Variants in MAT1A observed in about 807,000 individuals in gnomAD.
The protein encoded by MAT1A is S-adenosylmethionine synthase isoform type-1.
A neutral mutation model predicts 44.0 loss-of-function variants in MAT1A; 19 were observed. That is an observed-to-expected ratio of 0.43 (90% confidence interval 0.30 to 0.63). MAT1A has a LOEUF of 0.63. MAT1A is among the 30% of genes least tolerant of loss of function. MAT1A has a pLI of 0.12. For synonymous variants in MAT1A, 205 were observed against 205.6 expected, an observed-to-expected ratio of 1.00 and a Z score of 0.03; for missense variants, 397 against 531.0, an observed-to-expected ratio of 0.75 and a Z score of 2.48.
intron 8 of MAT1A, 140 bp downstream of exon 8, chr10:80,274,380 T>C (rs758616968): frequency 3.7e-5 from 45 of 1,228,474 alleles, no homozygotes; most frequent in Non-Finnish European, 5.3e-5. Context: ...GGGGATGCAC[T>C]GTGCTGTACC....
At chr10:80,288,687 A>G (rs1268547908) in intron 1 of MAT1A, among the ~76,000 whole-genome samples, 1 of 152,228 alleles carries the variant, frequency 6.6e-6, no homozygotes, top group African/African-American at 2.4e-5. Flanking sequence ...TAAGTTGCAC[A>G]TGCTTCACAT....
At chr10:80,287,391 T>C (rs1257623749) in intron 1 of MAT1A, among the ~76,000 whole-genome samples, 2 of 152,226 alleles carry the variant, frequency 1.3e-5, no homozygotes, top group African/African-American at 4.8e-5. Flanking sequence ...AAAACCTTTA[T>C]CTTTCTAGCA....
rs900354762 is a variant in MAT1A at position 80,273,302 on chromosome 10, T to C, written c.*479A>G. 8.1e-6 allele frequency: 2 copies of C among 247,920 alleles called. No homozygotes were observed. Among genetic ancestry groups the C allele is most frequent in the Non-Finnish European group, 1.6e-5 (2 of 125,626 alleles). 15.4% of individuals were successfully genotyped at this position (247,920 alleles called of 1,614,324 possible). A position where few individuals can be genotyped will look rare whatever the true frequency, so the allele number is the denominator to read the frequency against. On this transcript the variant is annotated 3_prime_UTR_variant, in exon 9 of 9. Transcript: ENST00000372213. ...CAGTCCTGCTCTAACCCCTGCCACA[T>C]GCCTGGCCTGGGTGGGGCTTTCTGG... is the stretch of plus-strand genomic sequence containing the variant.
At position 80,272,713 on chromosome 10, in the gene MAT1A, C is replaced by T. The variant is rs1368430040; in HGVS notation, c.*1068G>A. 1 of 152,272 alleles carries T rather than the reference C, an allele frequency of 6.6e-6. No individual in the cohort carries two copies. The highest frequency in any genetic ancestry group is 1.5e-5 in the Non-Finnish European group (1 of 68,170). The allele number at this position is 152,272 out of a possible 1,614,324, so 9.4% of individuals were successfully genotyped here. A position where few individuals can be genotyped will look rare whatever the true frequency, so the allele number is the denominator to read the frequency against. On this transcript the variant is annotated 3_prime_UTR_variant, in exon 9 of 9. Transcript: ENST00000372213. Reference sequence around the variant, plus strand: ...AGATAGGACTGGACTGGACTTAGACCACTTACCCCAGAAGTCCAAAAACCC... The same window carrying T: ...AGATAGGACTGGACTGGACTTAGACTACTTACCCCAGAAGTCCAAAAACCC...
At position 80,273,508 on chromosome 10, in the gene MAT1A, G is replaced by A. The variant is rs1353737175; in HGVS notation, c.*273C>T. The A allele has an allele frequency of 1.0e-4, 47 of 455,552 alleles. No individual in the cohort carries two copies. Among genetic ancestry groups the A allele is most frequent in the Non-Finnish European group, 1.6e-5 (4 of 245,600 alleles). The allele number at this position is 455,552 out of a possible 1,614,324, so 28.2% of individuals were successfully genotyped here. A position where few individuals can be genotyped will look rare whatever the true frequency, so the allele number is the denominator to read the frequency against. Reference sequence around the variant, plus strand: ...GAGTGAGGGAATTCACTCTTGACGGGGGTGCCTTTTCCACTAAATTAACAT... The same window carrying A: ...GAGTGAGGGAATTCACTCTTGACGGAGGTGCCTTTTCCACTAAATTAACAT... On this transcript the variant is annotated 3_prime_UTR_variant, in exon 9 of 9. Coordinates refer to ENST00000372213, the MANE Select transcript of MAT1A (RefSeq NM_000429.3).
intron 1 of MAT1A, among the ~76,000 whole-genome samples, chr10:80,286,292 T>C (rs536060789): frequency 6.6e-6 from 1 of 152,320 alleles, no homozygotes; most frequent in South Asian, 2.1e-4. Flanking sequence ...CAATTTTACC[T>C]CTTTGCCAAG....
At chr10:80,284,452 G>C (rs759011565) in intron 2 of MAT1A, among the ~76,000 whole-genome samples, 21 of 152,176 alleles carry the variant, frequency 1.4e-4, no homozygotes, top group Non-Finnish European at 2.6e-4. Context: ...TAGGGAGTGG[G>C]ATCTGGACCA....
intron 3 of MAT1A, among the ~76,000 whole-genome samples, chr10:80,282,546 C>CT (rs915983036): frequency 2.3e-4 from 35 of 151,672 alleles, no homozygotes; most frequent in Middle Eastern, 3.4e-3. Flanking sequence ...AACAAATTGG[C>CT]TTTTTTTTTG....
intron 1 of MAT1A, among the ~76,000 whole-genome samples, chr10:80,285,980 C>T (rs1215639663): frequency 1.3e-5 from 2 of 151,978 alleles, no homozygotes; most frequent in Non-Finnish European, 2.9e-5. Context: ...CTTGTGCTAC[C>T]ACGCCTGGCT....
chr10:80,279,155 A>G (rs991075972), intron 5 of MAT1A, among the ~76,000 whole-genome samples: 12 of 152,164 alleles, frequency 7.9e-5, no homozygotes, highest in Admixed American at 4.6e-4. Context: ...AATGAGGCCT[A>G]AAGGGGATTA....
At position 80,276,502 on chromosome 10, in the gene MAT1A, C is replaced by A. The variant is rs539772339; in HGVS notation, c.642G>T (p.Thr214=). The A allele has an allele frequency of 1.2e-6, 2 of 1,614,138 alleles. No individual in the cohort carries two copies. The highest frequency in any genetic ancestry group is 1.7e-6 in the Non-Finnish European group (2 of 1,180,036). Residue 214 remains threonine (T), a synonymous_variant, in exon 6 of 9, where the codon ACG becomes ACT. Coordinates refer to ENST00000372213, the MANE Select transcript of MAT1A (RefSeq NM_000429.3). ...TCAGGGCCCTGCGCATCTCCTCCAG[C>A]GTGATGTCTTCGTTGTGCTGCACAG... ...VISVQHNEDI[T]LEEMRRALKE... is the part of the protein sequence containing the mutation.
intron 3 of MAT1A, among the ~76,000 whole-genome samples, chr10:80,282,470 T>C (rs1841579977): frequency 6.6e-6 from 1 of 152,240 alleles, no homozygotes; most frequent in Non-Finnish European, 1.5e-5. Flanking sequence ...CATTGCCTCC[T>C]GGAAAATTTC....
At chr10:80,284,527 C>T (rs1045316777) in intron 2 of MAT1A, among the ~76,000 whole-genome samples, 1 of 152,190 alleles carries the variant, frequency 6.6e-6, no homozygotes, top group Non-Finnish European at 1.5e-5. Flanking sequence ...TAGAATCTAC[C>T]TTCAGAGGGG....
chr10:80,271,912 C>T lies in MAT1A; in HGVS notation c.*1869G>A, dbSNP rs2132698952. ...ATACAAACAAACTGACAAAAAAGAT[C>T]TTATTTCTCTAGAGGGTAGGGAAAG... On this transcript the variant is annotated 3_prime_UTR_variant, in exon 9 of 9. Transcript: ENST00000372213. The T allele has an allele frequency of 6.6e-6, 1 of 152,290 alleles. No individual in the cohort carries two copies. The highest frequency in any genetic ancestry group is 1.9e-4 in the East Asian group (1 of 5,178). 9.4% of individuals were successfully genotyped at this position (152,290 alleles called of 1,614,324 possible).
intron 5 of MAT1A, among the ~76,000 whole-genome samples, chr10:80,278,435 C>T (rs1841518824): frequency 6.6e-6 from 1 of 152,250 alleles, no homozygotes; most frequent in Non-Finnish European, 1.5e-5. Context: ...AAGATTTCCC[C>T]TTCTGTGAAT....
chr10:80,289,415 T>A lies in MAT1A; in HGVS notation c.9A>T (p.Gly3=), dbSNP rs749209407. The part of the protein sequence containing the change: MN[G]PVDGLCDHSL... ...AGTGGTCACACAAGCCATCCACCGG[T>A]CCATTCATCTTCTCACACTTCTCCA... Residue 3 remains glycine (G), a synonymous_variant, in exon 1 of 9, where the codon GGA becomes GGT. Coordinates refer to ENST00000372213, the MANE Select transcript of MAT1A (RefSeq NM_000429.3). The A allele has an allele frequency of 1.9e-6, 3 of 1,613,530 alleles. No homozygotes were observed. The highest frequency in any genetic ancestry group is 2.5e-6 in the Non-Finnish European group (3 of 1,179,450).
Position 80,271,890 on chromosome 10 carries a change from C to T in MAT1A, c.*1891G>A, listed in dbSNP as rs1416747770. On this transcript the variant is annotated 3_prime_UTR_variant, in exon 9 of 9. Coordinates refer to ENST00000372213, the MANE Select transcript of MAT1A (RefSeq NM_000429.3). The stretch of plus-strand genomic sequence containing the variant: ...AACAAATAAAGGCTTTAGTTTCATA[C>T]AAACAAACTGACAAAAAAGATCTTA... 1 of 152,180 alleles carries T rather than the reference C, an allele frequency of 6.6e-6. No homozygotes were observed. Among genetic ancestry groups the T allele is most frequent in the Non-Finnish European group, 1.5e-5 (1 of 68,026 alleles). The allele number at this position is 152,180 out of a possible 1,614,324, so 9.4% of individuals were successfully genotyped here. A position where few individuals can be genotyped will look rare whatever the true frequency, so the allele number is the denominator to read the frequency against.
chr10:80,283,930 T>C lies in MAT1A; in HGVS notation c.278A>G (p.Asp93Gly), dbSNP rs1841605393. 2 of 1,614,064 alleles carry C rather than the reference T, an allele frequency of 1.2e-6. No homozygotes were observed. Among genetic ancestry groups the C allele is most frequent in the African/African-American group, 1.3e-5 (1 of 74,946 alleles). Residue 93 changes from aspartate to glycine, a missense_variant, in exon 3 of 9, where the codon GAT becomes GGT. By Grantham distance (94) the Asp-to-Gly change is moderately conservative (BLOSUM62 -1). Coordinates refer to ENST00000372213, the MANE Select transcript of MAT1A (RefSeq NM_000429.3). ...VRDTIKHIGY[D>G]DSAKGFDFKT... ...CCTGCCCTCACCCTTGGCTGAGTCA[T>C]CGTAGCCGATGTGCTTGATGGTGTC...
chr10:80,277,699 C>T (rs1046468151), intron 5 of MAT1A, among the ~76,000 whole-genome samples: 1 of 152,122 alleles, frequency 6.6e-6, no homozygotes, highest in Non-Finnish European at 1.5e-5. Context: ...GGTGCTCAGG[C>T]CGTCTCCACT....
Sources: allele counts gnomAD v4.1 joint callset (sites outside exome capture counted in the v4.1 genomes callset), GRCh38; gene constraint gnomAD v4.1.1; transcripts MANE v1.5; gene names NCBI Gene and HGNC (gene_info 2026-07-23, HGNC 2026-07-21).